PIRT: variants seen among roughly 807,000 people sequenced by gnomAD.
PIRT encodes the protein phosphoinositide-interacting protein.
In PIRT, 6 loss-of-function variants were observed where a neutral mutation model predicts 7.9. The observed-to-expected ratio is 0.76, with a 90% confidence interval of 0.42 to 1.51. The LOEUF is 1.51. PIRT is among the 40% of genes most tolerant of loss of function. The pLI is 0.01. For missense variants in PIRT, 170 were observed against 172.9 expected (o/e 0.98, Z 0.09); for synonymous variants, 78 against 71.8 (o/e 1.09, Z -0.44).
chr17:10,828,187 G>T lies in PIRT; in HGVS notation c.-138-2404C>A, dbSNP rs576019065. Among the ~76,000 whole-genome samples the T allele has an allele frequency of 2.0e-5, 3 of 152,230 alleles. No individual in the cohort carries two copies. The East Asian group carries it at 5.8e-4, about 30-fold the overall frequency. ...TGCCTCCCCTGCAGTAAGCTCAGGC[G>T]GTTGCTGCTCTCTGGGACAGAGCCC... On this transcript the variant is annotated intron_variant, in intron 1 of 1. Coordinates refer to ENST00000580256, the MANE Select transcript of PIRT (RefSeq NM_001101387.2).
At position 10,826,768 on chromosome 17, in the gene PIRT, G is replaced by A. The variant is rs115543080; in HGVS notation, c.-138-985C>T. Among the ~76,000 whole-genome samples the A allele has an allele frequency of 7.7e-3, 1,176 of 152,242 alleles. 16 individuals are homozygous for A. The highest frequency in any genetic ancestry group is 0.026 in the African/African-American group (1,079 of 41,562). On this transcript the variant is annotated intron_variant, in intron 1 of 1. Coordinates refer to ENST00000580256, the MANE Select transcript of PIRT (RefSeq NM_001101387.2). ...CGTTTCGTGCAGCCTGGGCTTTCACGTGCTCTGTCAGCAGAGGACAGTGAT... is the reference window on the plus strand; with the variant it reads ...CGTTTCGTGCAGCCTGGGCTTTCACATGCTCTGTCAGCAGAGGACAGTGAT...
intron 1 of PIRT, among the ~76,000 whole-genome samples, chr17:10,831,798 G>A (rs1567616761): frequency 6.6e-6 from 1 of 152,230 alleles, no homozygotes; most frequent in Non-Finnish European, 1.5e-5. Flanking sequence ...TGGGCCTATG[G>A]AGGAGCAGGA....
At position 10,825,122 on chromosome 17, in the gene PIRT, G is replaced by A. The variant is rs779707611; in HGVS notation, c.*110C>T. 5.1e-6 allele frequency: 7 copies of A among 1,372,448 alleles called. No homozygotes were observed. Among genetic ancestry groups the A allele is most frequent in the South Asian group, 1.4e-5 (1 of 69,292 alleles). 85.0% of individuals were successfully genotyped at this position (1,372,448 alleles called of 1,614,324 possible). A position where few individuals can be genotyped will look rare whatever the true frequency, so the allele number is the denominator to read the frequency against. Reference sequence around the variant, plus strand: ...TATCTTCCCCACAGGGTCAGGAAGAGCATTTTCCTGGATCAGTTTTATGGC... The same window carrying A: ...TATCTTCCCCACAGGGTCAGGAAGAACATTTTCCTGGATCAGTTTTATGGC... On this transcript the variant is annotated 3_prime_UTR_variant, in exon 2 of 2. Coordinates refer to ENST00000580256, the MANE Select transcript of PIRT (RefSeq NM_001101387.2).
chr17:10,829,184 G>A (rs537392435), intron 1 of PIRT, among the ~76,000 whole-genome samples: 23 of 152,206 alleles, frequency 1.5e-4, no homozygotes, highest in Admixed American at 5.9e-4. Context: ...TTTCGATCCC[G>A]TTTCCGTGAA....
At chr17:10,828,882 C>T (rs888375815) in intron 1 of PIRT, among the ~76,000 whole-genome samples, 25 of 152,182 alleles carry the variant, frequency 1.6e-4, no homozygotes, top group African/African-American at 5.3e-4. Flanking sequence ...CCAAGGCCTT[C>T]GGAATTTGGC....
At chr17:10,836,182 C>T (rs895317769) in intron 1 of PIRT, among the ~76,000 whole-genome samples, 1 of 152,210 alleles carries the variant, frequency 6.6e-6, no homozygotes, top group Non-Finnish European at 1.5e-5. Context: ...GGATTACAGG[C>T]GTGAGCTACT....
At chr17:10,826,483 G>A (rs143593683) in intron 1 of PIRT, among the ~76,000 whole-genome samples, 1 of 152,210 alleles carries the variant, frequency 6.6e-6, no homozygotes, top group Non-Finnish European at 1.5e-5. Flanking sequence ...AAATGATATC[G>A]TTTGTCTATT....
chr17:10,826,175 G>C (rs1905309719), intron 1 of PIRT, among the ~76,000 whole-genome samples: 1 of 152,166 alleles, frequency 6.6e-6, no homozygotes, highest in South Asian at 2.1e-4. Context: ...TGTTGGCCAG[G>C]CTGGTCTCGA....
In PIRT at chr17:10,825,622, C is replaced by T. The variant is rs1474513855; in HGVS notation, c.24G>A (p.Lys8=). MTMETLP[K]VLEVDEKSPE... is the part of the protein sequence containing the mutation. ...GAGACTTCTCATCGACCTCTAGAAC[C>T]TTGGGGAGAGTCTCCATCGTCATGG... is the stretch of plus-strand genomic sequence containing the variant. The change falls in exon 2 of 2, where the codon AAG becomes AAA. Residue 8 remains lysine, a synonymous_variant. Transcript: ENST00000580256. 6.7e-7 allele frequency: 1 copy of T among 1,499,908 alleles called. No homozygotes were observed. The allele number at this position is 1,499,908 out of a possible 1,614,324, so 92.9% of individuals were successfully genotyped here. A position where few individuals can be genotyped will look rare whatever the true frequency, so the allele number is the denominator to read the frequency against.
intron 1 of PIRT, among the ~76,000 whole-genome samples, chr17:10,831,056 C>A (rs1905451651): frequency 6.6e-6 from 1 of 152,196 alleles, no homozygotes; most frequent in African/African-American, 2.4e-5. Context: ...TCCTGCCTAG[C>A]TTGAAAATTC....
intron 1 of PIRT, among the ~76,000 whole-genome samples, chr17:10,831,406 G>C (rs1905459571): frequency 1.3e-5 from 2 of 152,186 alleles, no homozygotes; most frequent in Admixed American, 6.5e-5. Flanking sequence ...AACATCCTGA[G>C]TGAGAGTGGG....
chr17:10,825,473 A>G lies in PIRT; in HGVS notation c.173T>C (p.Ile58Thr), dbSNP rs1232532479. The change falls in exon 2 of 2, where the codon ATC becomes ACC. Residue 58 changes from isoleucine to threonine, a missense_variant. Ile to Thr is a moderately conservative substitution (Grantham distance 89). Transcript: ENST00000580256. ...CAGGATGGCACCGCCCACTGACATG[A>G]TAACGATGGGCTTGCGGTAGATTTC... ...NWEIYRKPIV[I>T]MSVGGAILLF... The G allele has an allele frequency of 6.2e-6, 10 of 1,613,844 alleles. No individual in the cohort carries two copies. The East Asian group carries it at 1.3e-4, about 22-fold the overall frequency.
chr17:10,835,903 ATT>A lies in PIRT; in HGVS notation c.-139+2040_-139+2041del, dbSNP rs71139073. Among the ~76,000 whole-genome samples the A allele has an allele frequency of 1.6e-3, 230 of 140,568 alleles. 1 individual carries two copies. The highest frequency in any genetic ancestry group is 2.4e-3 in the Non-Finnish European group (157 of 64,522). 92.2% of individuals were successfully genotyped at this position (140,568 alleles called of 152,430 possible). A position where few individuals can be genotyped will look rare whatever the true frequency, so the allele number is the denominator to read the frequency against. On this transcript the variant is annotated intron_variant, in intron 1 of 1. Coordinates refer to ENST00000580256, the MANE Select transcript of PIRT (RefSeq NM_001101387.2). Reference sequence around the variant, plus strand: ...CAGAGCTGCCAGCCTCCAAATCCTGATTTTTTTTTTTTTTTTTGAGATGGAGT... The same window carrying A: ...CAGAGCTGCCAGCCTCCAAATCCTGATTTTTTTTTTTTTTTGAGATGGAGT...
At position 10,827,465 on chromosome 17, in the gene PIRT, C is replaced by CTTTTTT. The variant is rs546105685; in HGVS notation, c.-138-1688_-138-1683dup. Among the ~76,000 whole-genome samples the CTTTTTT allele has an allele frequency of 4.3e-3, 240 of 56,292 alleles. 7 individuals are homozygous for CTTTTTT. The highest frequency in any genetic ancestry group is 4.7e-3 in the Non-Finnish European group (149 of 31,620). The allele number at this position is 56,292 out of a possible 152,430, so 36.9% of individuals were successfully genotyped here. A position where few individuals can be genotyped will look rare whatever the true frequency, so the allele number is the denominator to read the frequency against. On this transcript the variant is annotated intron_variant, in intron 1 of 1. Coordinates refer to ENST00000580256, the MANE Select transcript of PIRT (RefSeq NM_001101387.2). ...TCTTTCTTTTCTTTCTTTTTCTTTT[C>CTTTTTT]TTTTTTTTTTTTTTTTTTTTTTTTT...
chr17:10,831,261 C>A (rs1257177058), intron 1 of PIRT, among the ~76,000 whole-genome samples: 1 of 152,302 alleles, frequency 6.6e-6, no homozygotes, highest in Admixed American at 6.5e-5. Flanking sequence ...TTGTGTGATT[C>A]AGGAGATCCT....
chr17:10,827,474 T>TTTTC, intron 1 of PIRT, among the ~76,000 whole-genome samples: 1 of 121,374 alleles, frequency 8.2e-6, no homozygotes, highest in African/African-American at 3.7e-5. Flanking sequence ...TCTTTTTTTT[T>TTTTC]TTTTTTTTTT....
chr17:10,826,716 C>T (rs571456446), intron 1 of PIRT, among the ~76,000 whole-genome samples: 1 of 152,364 alleles, frequency 6.6e-6, no homozygotes, highest in Non-Finnish European at 1.5e-5. Flanking sequence ...GTCACTCCTA[C>T]CAGGCTATGC....
intron 1 of PIRT, among the ~76,000 whole-genome samples, chr17:10,829,398 G>A (rs754750001): frequency 2.4e-4 from 36 of 152,134 alleles, no homozygotes; most frequent in Non-Finnish European, 4.4e-4. Context: ...CAGGGACATT[G>A]GACTGTAGAT....
At chr17:10,831,052 C>T (rs1488303724) in intron 1 of PIRT, among the ~76,000 whole-genome samples, 5 of 152,182 alleles carry the variant, frequency 3.3e-5, no homozygotes, top group Non-Finnish European at 5.9e-5. Flanking sequence ...TTCCTCCTGC[C>T]TAGCTTGAAA....
Sources: allele counts gnomAD v4.1 joint callset (sites outside exome capture counted in the v4.1 genomes callset), GRCh38; gene constraint gnomAD v4.1.1; transcripts MANE v1.5; gene names NCBI Gene and HGNC (gene_info 2026-07-23, HGNC 2026-07-21).